MSI2: variants seen among roughly 807,000 people sequenced by gnomAD.
The protein encoded by MSI2 is RNA-binding protein Musashi homolog 2.
A neutral mutation model predicts 45.6 loss-of-function variants in MSI2; 17 were observed. The observed-to-expected ratio is 0.37, with a 90% CI of 0.26 to 0.56. The LOEUF (loss-of-function observed/expected upper bound fraction) is 0.56. Ranked by LOEUF, MSI2 falls within the 20% of genes least tolerant of loss-of-function variation. The probability of loss-of-function intolerance (pLI) is 0.77; values close to 1 mark genes in which losing one functional copy is unlikely to be tolerated. For synonymous variants in MSI2, 156 were observed against 158.2 expected, an observed-to-expected ratio of 0.99 and a Z score of 0.11; for missense variants, 293 against 444.2, an observed-to-expected ratio of 0.66 and a Z score of 3.06.
chr17:57,663,346 A>C (rs1912136079), intron 11 of MSI2, among the ~76,000 whole-genome samples: 1 of 152,262 alleles, frequency 6.6e-6, no homozygotes, highest in Admixed American at 6.5e-5. Flanking sequence ...GTTCCTGGTT[A>C]CTTATTAATA....
intron 5 of MSI2, among the ~76,000 whole-genome samples, chr17:57,286,259 A>G (rs1208743010): frequency 6.6e-6 from 1 of 151,060 alleles, no homozygotes; most frequent in Non-Finnish European, 1.5e-5. Context: ...CAGACTGAGC[A>G]CACATTTTAA....
intron 5 of MSI2, among the ~76,000 whole-genome samples, chr17:57,395,497 G>GGT (rs529551591): frequency 6.6e-6 from 1 of 152,176 alleles, no homozygotes; most frequent in Non-Finnish European, 1.5e-5. Flanking sequence ...TGGCTCCGAG[G>GGT]GTGATGGTGG....
In MSI2 at chr17:57,627,267, C is replaced by A. The variant is rs1385491947; in HGVS notation, c.691C>A (p.Pro231Thr). 2 of 1,614,052 alleles carry A rather than the reference C, an allele frequency of 1.2e-6. No individual in the cohort carries two copies. Among genetic ancestry groups the A allele is most frequent in the African/African-American group, 2.7e-5 (2 of 74,922 alleles). The change falls in exon 10 of 14, where the codon CCC becomes ACC. Residue 231 changes from proline to threonine, a missense_variant. Pro to Thr is a conservative substitution (Grantham distance 38). Transcript: ENST00000284073. This position sits in a 1 kb window ranked among gnomAD's most constrained non-coding sequence, Gnocchi z 4.6. ...NFVATYGRGY[P>T]GFAPSYGYQF... The stretch of plus-strand genomic sequence containing the variant: ...CGTGGCGACCTATGGCCGTGGCTAC[C>A]CCGGATTTGCTCCAAGCTATGGCTA...
chr17:57,566,379 T>C (rs1297101259), intron 7 of MSI2, among the ~76,000 whole-genome samples: 1 of 152,228 alleles, frequency 6.6e-6, no homozygotes, highest in African/African-American at 2.4e-5. Context: ...ATCAATTATG[T>C]TTCTCCTAAT....
intron 5 of MSI2, among the ~76,000 whole-genome samples, chr17:57,392,774 A>C (rs9890707): frequency 0.81 from 123,453 of 152,080 alleles, 50,956 homozygotes; most frequent in East Asian, 0.97. Context: ...AAGCGGTGGG[A>C]ATGGTGGGCA....
At chr17:57,409,757 C>A (rs1046257730) in intron 6 of MSI2, among the ~76,000 whole-genome samples, 1 of 151,974 alleles carries the variant, frequency 6.6e-6, no homozygotes, top group African/African-American at 2.4e-5. Context: ...GCCTGTAATC[C>A]CAGCACTTTG....
intron 5 of MSI2, among the ~76,000 whole-genome samples, chr17:57,302,500 G>T (rs979348773): frequency 6.6e-6 from 1 of 152,218 alleles, no homozygotes; most frequent in African/African-American, 2.4e-5. Context: ...TTCTTCCCAA[G>T]TGTATTTTTG....
intron 5 of MSI2, among the ~76,000 whole-genome samples, chr17:57,301,811 T>C (rs1567745196): frequency 6.6e-6 from 1 of 152,138 alleles, no homozygotes; most frequent in African/African-American, 2.4e-5. Context: ...TATTCTTGTA[T>C]ATATCTTCTG....
chr17:57,338,426 G>A (rs1423439590), intron 5 of MSI2, among the ~76,000 whole-genome samples: 1 of 152,178 alleles, frequency 6.6e-6, no homozygotes, highest in African/African-American at 2.4e-5. Context: ...TTGCTCTGTC[G>A]CCCAAGGCTG....
At chr17:57,586,947 C>T (rs1426085404) in intron 7 of MSI2, among the ~76,000 whole-genome samples, 1 of 152,130 alleles carries the variant, frequency 6.6e-6, no homozygotes, top group Non-Finnish European at 1.5e-5. Context: ...CATATGGTCT[C>T]CACTTAGCTT....
chr17:57,351,139 A>G (rs1335322210), intron 5 of MSI2, among the ~76,000 whole-genome samples: 1 of 152,048 alleles, frequency 6.6e-6, no homozygotes, highest in Non-Finnish European at 1.5e-5. Context: ...AGTGTCTTCC[A>G]TTGGCCAAGC....
chr17:57,395,970 C>A (rs868381699), intron 5 of MSI2, among the ~76,000 whole-genome samples: 1 of 152,188 alleles, frequency 6.6e-6, no homozygotes, highest in Admixed American at 6.5e-5. Context: ...CAGCATCCTA[C>A]CCAGTGCTAG....
intron 6 of MSI2, among the ~76,000 whole-genome samples, chr17:57,419,312 T>C (rs4794734): frequency 0.71 from 107,326 of 151,662 alleles, 38,527 homozygotes; most frequent in South Asian, 0.88. Context: ...GACCCCCAAA[T>C]TGGGCTGCCA....
At chr17:57,440,347 C>T (rs919837441) in intron 6 of MSI2, among the ~76,000 whole-genome samples, 1 of 150,658 alleles carries the variant, frequency 6.6e-6, no homozygotes, top group Non-Finnish European at 1.5e-5. Context: ...TTTTGGACCC[C>T]GTATCTGTGG....
chr17:57,614,018 C>G (rs1907429167), intron 8 of MSI2, among the ~76,000 whole-genome samples: 1 of 152,032 alleles, frequency 6.6e-6, no homozygotes, highest in African/African-American at 2.4e-5. Flanking sequence ...AAATGGATAA[C>G]CCATAGAGGT....
rs145819079 is a variant in MSI2, at chr17:57,532,192, G to C, written c.454+2468G>C. On this transcript the variant is annotated intron_variant, in intron 7 of 13. Coordinates refer to ENST00000284073, the MANE Select transcript of MSI2 (RefSeq NM_138962.4). The stretch of plus-strand genomic sequence containing the variant: ...AGAGCTGAAGATGCCTGCAGTGGGG[G>C]CAGGACCAACTCTAAAATGTGTGGA... The C allele has an allele frequency of 2.6e-3, 389 of 152,456 alleles. 2 individuals carry two copies. The highest frequency in any genetic ancestry group is 4.6e-3 in the Admixed American group (70 of 15,302). The allele number at this position is 152,456 out of a possible 1,614,324, so 9.4% of individuals were successfully genotyped here.
intron 6 of MSI2, among the ~76,000 whole-genome samples, chr17:57,434,832 T>C (rs769660643): frequency 2.6e-5 from 4 of 152,128 alleles, no homozygotes; most frequent in Admixed American, 6.5e-5. Flanking sequence ...TGTTTCCATG[T>C]CTTGGCTATT....
chr17:57,577,942 G>A lies in MSI2; in HGVS notation c.455-18926G>A, dbSNP rs892095329. ...ATCTCTTTCCTCCCCCACACCACCC[G>A]CAAGCAAAGCTTTGGAAAAACAGCC... On this transcript the variant is annotated intron_variant, in intron 7 of 13. Coordinates refer to ENST00000284073, the MANE Select transcript of MSI2 (RefSeq NM_138962.4). Among the ~76,000 whole-genome samples the A allele has an allele frequency of 4.6e-5, 7 of 152,074 alleles. 1 individual carries two copies. The highest frequency in any genetic ancestry group is 4.2e-4 in the South Asian group (2 of 4,816).
At chr17:57,658,413 T>G (rs1017874544) in intron 11 of MSI2, among the ~76,000 whole-genome samples, 1 of 152,238 alleles carries the variant, frequency 6.6e-6, no homozygotes, top group Non-Finnish European at 1.5e-5. Context: ...CATTAAAATG[T>G]TCATTTCTGG....
Sources: gnomAD v4.1 joint callset for allele counts (sites outside exome capture counted in the v4.1 genomes callset) on GRCh38, gnomAD v4.1.1 for gene constraint, Gnocchi (gnomAD v3.1) non-coding constraint, MANE v1.5 for transcripts, NCBI Gene and HGNC (gene_info 2026-07-23, HGNC 2026-07-21) for gene names.